Variants in COL28A1 observed in about 807,000 individuals in gnomAD.
COL28A1 encodes the protein collagen type XXVIII alpha 1 chain, also known as collagen alpha-1(XXVIII) chain.
Under a neutral mutation model 150.2 loss-of-function variants are expected in COL28A1, and 161 were observed. The observed-to-expected ratio is 1.07, with a 90% CI of 0.94 to 1.22. The LOEUF (loss-of-function observed/expected upper bound fraction) is 1.22, where lower values mean the gene tolerates loss of function less well. Among genes scored for constraint, COL28A1 ranks in the 50% most tolerant of loss-of-function variants. The pLI, the probability that COL28A1 is intolerant of heterozygous loss-of-function variation, is 0.00. For synonymous variants in COL28A1, 552 were observed against 469.7 expected (o/e 1.18, Z -2.26); for missense variants, 1,617 against 1,388.3 (o/e 1.16, Z -2.62).
intron 33 of COL28A1, 122 bp from the exon 34 acceptor site, chr7:7,360,650 T>A: frequency 1.2e-6 from 1 of 809,932 alleles, no homozygotes; most frequent in Non-Finnish European, 1.9e-6. Flanking sequence ...TCTCTGATAC[T>A]AACTATTTCA....
Position 7,477,121 on chromosome 7 carries a change from T to C in COL28A1, c.1224A>G (p.Pro408=), listed in dbSNP as rs751356884. 2.4e-6 allele frequency: 3 copies of C among 1,252,382 alleles called. No individual in the cohort carries two copies. The highest frequency in any genetic ancestry group is 3.5e-6 in the Non-Finnish European group (3 of 849,078). 77.6% of individuals were successfully genotyped at this position (1,252,382 alleles called of 1,614,324 possible). A position where few individuals can be genotyped will look rare whatever the true frequency, so the allele number is the denominator to read the frequency against. Reference sequence around the variant, plus strand: ...CAGAAGGTATTGTTACCTTTGGTCCTGGAAATCCTTCTCCGGGTAAGCCCC... The same window carrying C: ...CAGAAGGTATTGTTACCTTTGGTCCCGGAAATCCTTCTCCGGGTAAGCCCC... ...GERGLPGEGF[P]GPKGEKGSEG... Residue 408 remains proline (P), a synonymous_variant, in exon 14 of 35, where the codon CCA becomes CCG. Coordinates refer to ENST00000399429, the MANE Select transcript of COL28A1 (RefSeq NM_001037763.3).
chr7:7,380,776 A>G lies in COL28A1; in HGVS notation c.2286+6T>C. 1 of 1,613,284 alleles carries G rather than the reference A, an allele frequency of 6.2e-7. No individual in the cohort carries two copies. Among genetic ancestry groups the G allele is most frequent in the Non-Finnish European group, 8.5e-7 (1 of 1,179,264 alleles). On this transcript the variant is annotated splice_donor_region_variant and intron_variant, in intron 29 of 34. Coordinates refer to ENST00000399429, the MANE Select transcript of COL28A1 (RefSeq NM_001037763.3). ...AAATCACAGTGAGACATTAAAAACT[A>G]CTTGCCTGTTTTCCTGGAGATCCAG...
intron 3 of COL28A1, among the ~76,000 whole-genome samples, chr7:7,529,073 G>C (rs956217931): frequency 1.3e-5 from 2 of 151,884 alleles, no homozygotes; most frequent in Non-Finnish European, 2.9e-5. Context: ...AGGCCGAGGC[G>C]GGCAGATCAC....
chr7:7,473,056 C>T (rs1583454393), intron 15 of COL28A1, among the ~76,000 whole-genome samples: 1 of 152,104 alleles, frequency 6.6e-6, no homozygotes, highest in Non-Finnish European at 1.5e-5. Flanking sequence ...AAATCTAAAA[C>T]CTGAAACTAT....
At chr7:7,338,334 T>C in the COL28A1 span, among the ~76,000 whole-genome samples, 1 of 152,294 alleles carries the variant, frequency 6.6e-6, no homozygotes, top group East Asian at 1.9e-4. Flanking sequence ...TAGCATGGAA[T>C]ATTTTTCCAT....
upstream of COL28A1, among the ~76,000 whole-genome samples, chr7:7,538,928 T>C (rs554329006): frequency 1.7e-4 from 26 of 152,160 alleles, no homozygotes; most frequent in Admixed American, 2.6e-4. Context: ...AAATTTGTTC[T>C]TGAAGATCCT....
At position 7,524,194 on chromosome 7, in the gene COL28A1, A is replaced by C. The variant is rs141924739; in HGVS notation, c.702+35T>G. The stretch of plus-strand genomic sequence containing the variant: ...CTGATTTGATAATGCAAGTGTTTGG[A>C]GTAATTCGTAGTAATCAAAGCATGT... On this transcript the variant is annotated intron_variant, in intron 4 of 34. Transcript: ENST00000399429. 128 of 1,026,428 alleles carry C rather than the reference A, an allele frequency of 1.2e-4. No homozygotes were observed. In the African/African-American group the frequency reaches 1.5e-3, roughly 12 times the overall value. The allele number at this position is 1,026,428 out of a possible 1,614,324, so 63.6% of individuals were successfully genotyped here.
At chr7:7,486,894 T>C (rs918726506) in intron 13 of COL28A1, among the ~76,000 whole-genome samples, 2 of 152,234 alleles carry the variant, frequency 1.3e-5, no homozygotes, top group Admixed American at 1.3e-4. Flanking sequence ...TATTGGTCTG[T>C]AGTTTTCTTC....
At chr7:7,412,590 T>C (rs1783851513) in intron 27 of COL28A1, among the ~76,000 whole-genome samples, 2 of 152,126 alleles carry the variant, frequency 1.3e-5, no homozygotes, top group African/African-American at 2.4e-5. Flanking sequence ...TATATAACCA[T>C]GTATTACATG....
At chr7:7,483,210 A>AAT (rs1779443983) in intron 13 of COL28A1, among the ~76,000 whole-genome samples, 1 of 152,232 alleles carries the variant, frequency 6.6e-6, no homozygotes, top group South Asian at 2.1e-4. Context: ...ATAAAGTAAA[A>AAT]ATATATATAT....
At chr7:7,350,324 TCA>T in the COL28A1 span, among the ~76,000 whole-genome samples, 1 of 152,114 alleles carries the variant, frequency 6.6e-6, no homozygotes, top group Non-Finnish European at 1.5e-5. Context: ...ACTGTGCCAT[TCA>T]CAGAGAGATG....
chr7:7,408,703 A>C (rs1284183717), intron 27 of COL28A1, among the ~76,000 whole-genome samples: 1 of 152,140 alleles, frequency 6.6e-6, no homozygotes, highest in Non-Finnish European at 1.5e-5. Context: ...CACTAAATGC[A>C]ACTCCTGGAT....
At chr7:7,517,882 T>A (rs771019313) in intron 6 of COL28A1, 45 bp from the exon 7 acceptor site, 1 of 1,611,556 alleles carries the variant, frequency 6.2e-7, no homozygotes, top group Admixed American at 1.7e-5. Context: ...CCCTGAAGAG[T>A]GACTGATTGC....
chr7:7,429,929 T>C (rs992515168), intron 25 of COL28A1, among the ~76,000 whole-genome samples: 1 of 152,264 alleles, frequency 6.6e-6, no homozygotes. Flanking sequence ...TCTGGCAGCA[T>C]ATTAGCCATT....
At chr7:7,469,646 TG>T (rs1788266157) in intron 15 of COL28A1, among the ~76,000 whole-genome samples, 1 of 101,688 alleles carries the variant, frequency 9.8e-6, no homozygotes, top group Non-Finnish European at 1.9e-5. Flanking sequence ...GAGCCCGCAT[TG>T]CCAAGTCAAT....
downstream of COL28A1, among the ~76,000 whole-genome samples, chr7:7,355,060 A>G: frequency 6.6e-6 from 1 of 152,188 alleles, no homozygotes; most frequent in South Asian, 2.1e-4. Context: ...CACAAAAGGA[A>G]AGATGGGTAA....
the COL28A1 span, among the ~76,000 whole-genome samples, chr7:7,344,563 A>G: frequency 6.6e-6 from 1 of 152,148 alleles, no homozygotes; most frequent in African/African-American, 2.4e-5. Context: ...ATTTTGTCAT[A>G]TATCTATATA....
intron 29 of COL28A1, 34 bp downstream of exon 29, chr7:7,380,748 A>G: frequency 6.2e-7 from 1 of 1,612,618 alleles, no homozygotes; most frequent in Non-Finnish European, 8.5e-7. Flanking sequence ...CAGTTAGAGT[A>G]TAAAATCACA....
rs139080922 is a variant in COL28A1, at chr7:7,426,661, T to C, written c.1998+5812A>G. Among the ~76,000 whole-genome samples the C allele has an allele frequency of 1.6e-3, 245 of 152,342 alleles. 1 individual carries two copies. The highest frequency in any genetic ancestry group is 5.7e-3 in the African/African-American group (236 of 41,580). Reference sequence around the variant, plus strand: ...CCTTTAAATTTCAAATTATTTAAAGTATTTTCAATTACTTGAATCAATTTA... The same window carrying C: ...CCTTTAAATTTCAAATTATTTAAAGCATTTTCAATTACTTGAATCAATTTA... On this transcript the variant is annotated intron_variant, in intron 25 of 34. Coordinates refer to ENST00000399429, the MANE Select transcript of COL28A1 (RefSeq NM_001037763.3).
Sources: allele counts gnomAD v4.1 joint callset (sites outside exome capture counted in the v4.1 genomes callset), GRCh38; gene constraint gnomAD v4.1.1; transcripts MANE v1.5; gene names NCBI Gene and HGNC (gene_info 2026-07-23, HGNC 2026-07-21).